The following EEA1 variants were observed in gnomAD, a reference collection of about 807,000 sequenced individuals.
EEA1 encodes the protein early endosome antigen 1, 162kD.
EEA1 carries 111 observed loss-of-function variants against 209.2 expected under a neutral mutation model. The observed-to-expected ratio is 0.53, with a 90% CI of 0.45 to 0.62. EEA1 has a LOEUF of 0.62. EEA1 is among the 20% of genes least tolerant of loss of function. The pLI, the probability that EEA1 is intolerant of heterozygous loss-of-function variation, is 0.00. For synonymous variants in EEA1, 536 were observed against 540.6 expected, an observed-to-expected ratio of 0.99 and a Z score of 0.12; for missense variants, 1,343 against 1,530.8, an observed-to-expected ratio of 0.88 and a Z score of 2.05.
chr12:92,817,694 CAT>C (rs1291970651), intron 14 of EEA1, among the ~76,000 whole-genome samples: 1 of 152,180 alleles, frequency 6.6e-6, no homozygotes, highest in Non-Finnish European at 1.5e-5. Context: ...TGTTTCTTCA[CAT>C]GTGTAGTAAT....
chr12:92,864,831 C>T (rs751264928), intron 3 of EEA1, 29 bp downstream of exon 3: 9 of 1,545,296 alleles, frequency 5.8e-6, no homozygotes, highest in Non-Finnish European at 7.0e-6. Context: ...TATTCCATAA[C>T]ATTATACTTC....
chr12:92,808,905 A>T (rs969328177), intron 18 of EEA1, 112 bp downstream of exon 18: 1 of 839,356 alleles, frequency 1.2e-6, no homozygotes. Flanking sequence ...CACAAAATAA[A>T]TATCTAATAA....
At position 92,776,934 on chromosome 12, in the gene EEA1, A is replaced by G. The variant is rs771227792; in HGVS notation, c.4023T>C (p.His1341=). 2.2e-5 allele frequency: 35 copies of G among 1,611,306 alleles called. 2 individuals are homozygous for G. The South Asian group carries it at 3.2e-4, about 15-fold the overall frequency. The change falls in exon 28 of 29, where the codon CAT becomes CAC. Residue 1341 remains histidine (H), a synonymous_variant. Transcript: ENST00000322349. The stretch of plus-strand genomic sequence containing the variant: ...CCCACTTTCTATTCAACGCTTGTGT[A>G]TGTTTGATCTGTTTTTTAAAGAAGT... The part of the protein sequence containing the change: ...GRENQSLQIK[H]TQALNRKWAE...
intron 1 of EEA1, among the ~76,000 whole-genome samples, chr12:92,897,300 T>C (rs1338577282): frequency 6.6e-6 from 1 of 152,214 alleles, no homozygotes; most frequent in Admixed American, 6.5e-5. Context: ...GAAGTATAAC[T>C]GTGTAGCTTT....
rs569511271 is a variant in EEA1, at chr12:92,809,006, G to A, written c.2339+11C>T. ...TTTCCCTTAATTTGTAAGTAAAGTG[G>A]TTTAGCTTACATTTCCTTCTCCATT... On this transcript the variant is annotated intron_variant, in intron 18 of 28. Coordinates refer to ENST00000322349, the MANE Select transcript of EEA1 (RefSeq NM_003566.4). 4.5e-5 allele frequency: 71 copies of A among 1,578,700 alleles called. No individual in the cohort carries two copies. In the South Asian group the frequency reaches 8.3e-4, roughly 19 times the overall value.
At chr12:92,882,495 G>A (rs1280310185) in intron 2 of EEA1, among the ~76,000 whole-genome samples, 3 of 149,590 alleles carry the variant, frequency 2.0e-5, no homozygotes, top group African/African-American at 4.9e-5. Flanking sequence ...GCTGAGCTTT[G>A]GGGTACAAAT....
At chr12:92,881,765 C>G (rs1439494810) in intron 2 of EEA1, among the ~76,000 whole-genome samples, 1 of 152,136 alleles carries the variant, frequency 6.6e-6, no homozygotes, top group Admixed American at 6.5e-5. Context: ...GTGTACTAAA[C>G]AGTCTGAACT....
At chr12:92,902,306 A>G (rs1315071052) in intron 1 of EEA1, among the ~76,000 whole-genome samples, 2 of 152,208 alleles carry the variant, frequency 1.3e-5, no homozygotes, top group Non-Finnish European at 2.9e-5. Flanking sequence ...CTGGAACCTA[A>G]AACAGGTAGA....
intron 22 of EEA1, among the ~76,000 whole-genome samples, chr12:92,782,884 T>A (rs568757141): frequency 5.3e-5 from 8 of 152,278 alleles, no homozygotes; most frequent in African/African-American, 1.7e-4. Context: ...AATGCTTCCA[T>A]AAAAATCCAA....
Position 92,796,938 on chromosome 12 carries a change from T to C in EEA1, c.2967+1954A>G, listed in dbSNP as rs114549617. ...CATTTCTCTATGACCAGTAAGTTAA[T>C]GTGTGTCCAAATTTAACAAAATTAA... On this transcript the variant is annotated intron_variant, in intron 21 of 28. Transcript: ENST00000322349. 8.1e-3 allele frequency among the ~76,000 whole-genome samples: 1,233 copies of C among 152,348 alleles called. 25 individuals are homozygous for C. The highest frequency in any genetic ancestry group is 0.027 in the African/African-American group (1,123 of 41,590).
At chr12:92,865,379 A>G (rs1344881874) in intron 2 of EEA1, among the ~76,000 whole-genome samples, 2 of 138,626 alleles carry the variant, frequency 1.4e-5, no homozygotes, top group Non-Finnish European at 3.1e-5. Context: ...GAATGCTATG[A>G]AAAAAAAAAA....
At chr12:92,818,580 A>C (rs1490827933) in intron 14 of EEA1, among the ~76,000 whole-genome samples, 1 of 152,172 alleles carries the variant, frequency 6.6e-6, no homozygotes, top group Non-Finnish European at 1.5e-5. Context: ...AACCTAAAGA[A>C]TTCTTCAAAA....
intron 3 of EEA1, among the ~76,000 whole-genome samples, chr12:92,861,167 T>C (rs1447162954): frequency 6.6e-6 from 1 of 152,122 alleles, no homozygotes; most frequent in Admixed American, 6.6e-5. Flanking sequence ...TAAAGAATTA[T>C]TATTCTGGCC....
chr12:92,902,640 C>T (rs770055418), intron 1 of EEA1, among the ~76,000 whole-genome samples: 42 of 150,632 alleles, frequency 2.8e-4, no homozygotes, highest in Non-Finnish European at 5.6e-4. Flanking sequence ...ACTCAGGACG[C>T]TGAGGCAGTA....
intron 5 of EEA1, among the ~76,000 whole-genome samples, chr12:92,856,767 CTTTTTTTT>C (rs57579359): frequency 2.3e-5 from 2 of 86,674 alleles, no homozygotes; most frequent in Non-Finnish European, 4.2e-5. Flanking sequence ...ATACCTGATT[CTTTTTTTT>C]TTTTTTTTTT....
In EEA1 at chr12:92,782,158, A is replaced by G. The variant is rs1380479149; in HGVS notation, c.3151-23T>C. On this transcript the variant is annotated intron_variant, in intron 22 of 28. Coordinates refer to ENST00000322349, the MANE Select transcript of EEA1 (RefSeq NM_003566.4). ...AGACTTACAAAAACAATTTTCCCAA[A>G]TTATTATATGCCATGTTTTTAGTAA... is the stretch of plus-strand genomic sequence containing the variant. 5.1e-6 allele frequency: 8 copies of G among 1,574,630 alleles called. No individual in the cohort carries two copies. In the African/African-American group the frequency reaches 8.2e-5, roughly 16 times the overall value.
intron 1 of EEA1, among the ~76,000 whole-genome samples, chr12:92,925,151 C>T (rs1314776605): frequency 1.4e-5 from 2 of 144,480 alleles, no homozygotes; most frequent in African/African-American, 5.2e-5. Flanking sequence ...ATTGTCTGCA[C>T]AGCACACAGT....
At position 92,832,771 on chromosome 12, in the gene EEA1, T is replaced by G. The variant is rs769229404; in HGVS notation, c.995A>C (p.Lys332Thr). The G allele has an allele frequency of 1.2e-6, 2 of 1,613,980 alleles. No homozygotes were observed. Among genetic ancestry groups the G allele is most frequent in the Non-Finnish European group, 1.7e-6 (2 of 1,179,974 alleles). Reference protein sequence around the residue: ...EEKHNEESVSKKNIQATLHQK... With the variant: ...EEKHNEESVSTKNIQATLHQK... ...ATGAAGGGTTGCCTGAATATTCTTT[T>G]TACTCACAGATTCTTCATTATGTTT... Residue 332 changes from lysine to threonine, a missense_variant, in exon 11 of 29, where the codon AAA becomes ACA. Transcript: ENST00000322349.
chr12:92,878,705 A>T (rs543038156), intron 2 of EEA1, among the ~76,000 whole-genome samples: 3 of 152,178 alleles, frequency 2.0e-5, no homozygotes, highest in African/African-American at 7.2e-5. Flanking sequence ...ACAAAGTCAA[A>T]AGTTGGCTAC....
Sources: gnomAD v4.1 joint callset for allele counts (sites outside exome capture counted in the v4.1 genomes callset) on GRCh38, gnomAD v4.1.1 for gene constraint, MANE v1.5 for transcripts, NCBI Gene and HGNC (gene_info 2026-07-23, HGNC 2026-07-21) for gene names.